The following ZNF516 variants were observed in gnomAD, a reference collection of about 807,000 sequenced individuals.
The protein encoded by ZNF516 is zinc finger protein 516.
In ZNF516, 19 loss-of-function variants were observed where a neutral mutation model predicts 79.7. That is an observed-to-expected ratio of 0.24 (90% CI 0.17 to 0.35). The LOEUF is 0.35. Among genes scored for constraint, ZNF516 ranks in the 10% least tolerant of loss-of-function variants. ZNF516 has a pLI of 1.00. For missense variants in ZNF516, 1,678 were observed against 1,679.5 expected (o/e 1.00, Z 0.02); for synonymous variants, 877 against 739.5 (o/e 1.19, Z -3.02).
chr18:76,452,946 G>T (rs1273964845), intron 2 of ZNF516, among the ~76,000 whole-genome samples: 2 of 152,212 alleles, frequency 1.3e-5, no homozygotes, highest in East Asian at 3.8e-4. Context: ...GTGTCCGTGT[G>T]AAAATGAAGA....
At chr18:76,491,460 A>T (rs1245902484) in intron 1 of ZNF516, among the ~76,000 whole-genome samples, 3 of 132,254 alleles carry the variant, frequency 2.3e-5, no homozygotes, top group African/African-American at 8.5e-5. Context: ...CGCCTTTGTT[A>T]TGGTGCGAAG....
chr18:76,463,862 C>T (rs982681339), intron 1 of ZNF516, among the ~76,000 whole-genome samples: 2 of 152,204 alleles, frequency 1.3e-5, no homozygotes, highest in Non-Finnish European at 2.9e-5. Flanking sequence ...TAAACTATTC[C>T]CACTGCCTGA....
intron 1 of ZNF516, among the ~76,000 whole-genome samples, chr18:76,470,241 T>C (rs1005847379): frequency 6.6e-6 from 1 of 152,212 alleles, no homozygotes; most frequent in Non-Finnish European, 1.5e-5. Context: ...AATGTGCAGT[T>C]TCCCTTTGCT....
intron 1 of ZNF516, among the ~76,000 whole-genome samples, chr18:76,477,435 G>A (rs1313740122): frequency 2.0e-5 from 3 of 152,164 alleles, no homozygotes; most frequent in Non-Finnish European, 4.4e-5. Context: ...GCCCCACAAT[G>A]AGGAAGCAAT....
chr18:76,408,503 A>G (rs1416093131), intron 3 of ZNF516, among the ~76,000 whole-genome samples: 1 of 152,210 alleles, frequency 6.6e-6, no homozygotes, highest in Non-Finnish European at 1.5e-5. Flanking sequence ...TGTGAGGTTT[A>G]AGGGATGGTT....
At chr18:76,392,318 C>A (rs891242418) in intron 3 of ZNF516, among the ~76,000 whole-genome samples, 2 of 152,236 alleles carry the variant, frequency 1.3e-5, no homozygotes, top group Non-Finnish European at 2.9e-5. Flanking sequence ...TATAGTTTTA[C>A]AATCTTCTGG....
chr18:76,433,989 G>A (rs1199210069), intron 3 of ZNF516, among the ~76,000 whole-genome samples: 2 of 152,096 alleles, frequency 1.3e-5, no homozygotes, highest in Non-Finnish European at 1.5e-5. Context: ...TTTCTCACAG[G>A]TGCACCAAGC....
rs189185860 is a variant in ZNF516 at position 76,370,376 on chromosome 18, A to G, written c.3432+152T>C. Among the ~76,000 whole-genome samples, 41 of 152,278 alleles carry G rather than the reference A, an allele frequency of 2.7e-4. 1 individual carries two copies. Among genetic ancestry groups the G allele is most frequent in the Non-Finnish European group, 5.6e-4 (38 of 68,028 alleles). On this transcript the variant is annotated intron_variant, in intron 6 of 6. Transcript: ENST00000443185. ...CGGGTACTGCCCACAGACGGCCCCG[A>G]AGGGTCAGGTTCCAAGTCAAAGCAT...
chr18:76,418,524 A>G (rs34956524), intron 3 of ZNF516, among the ~76,000 whole-genome samples: 85,331 of 151,720 alleles, frequency 0.56, 24,181 homozygotes, highest in South Asian at 0.68. Context: ...AACACACTAT[A>G]ACACGCACTG....
At chr18:76,370,320 C>T (rs2074681379) in intron 6 of ZNF516, among the ~76,000 whole-genome samples, 1 of 152,212 alleles carries the variant, frequency 6.6e-6, no homozygotes, top group Non-Finnish European at 1.5e-5. Context: ...GCACCTAGAC[C>T]CTGCACCACC....
At position 76,442,209 on chromosome 18, in the gene ZNF516, G is replaced by T; in HGVS notation, c.846C>A (p.Gly282=). The T allele has an allele frequency of 6.2e-7, 1 of 1,613,858 alleles. No homozygotes were observed. Among genetic ancestry groups the T allele is most frequent in the South Asian group, 1.1e-5 (1 of 91,086 alleles). Residue 282 remains glycine (G), a synonymous_variant, in exon 3 of 7, where the codon GGC becomes GGA. Transcript: ENST00000443185. ...GGAACCAGGGCTCCTTGAACCTACG[G>T]CCGCAGATGTGGCAGCCGTGGTCGA... ...GSFDHGCHIC[G]RRFKEPWFLK...
chr18:76,470,320 T>C (rs1026345713), intron 1 of ZNF516, among the ~76,000 whole-genome samples: 1 of 152,156 alleles, frequency 6.6e-6, no homozygotes, highest in Non-Finnish European at 1.5e-5. Context: ...ACAATTCTAA[T>C]TCATATATAT....
At chr18:76,370,620 C>T in intron 5 of ZNF516, 25 bp from the exon 6 acceptor site, 7 of 1,576,828 alleles carry the variant, frequency 4.4e-6, no homozygotes, top group Non-Finnish European at 5.2e-6. Context: ...GGTTTGTTAA[C>T]AGATCAGCGT....
intron 3 of ZNF516, among the ~76,000 whole-genome samples, chr18:76,420,129 T>C (rs1040345240): frequency 3.3e-5 from 5 of 152,260 alleles, no homozygotes; most frequent in African/African-American, 9.6e-5. Context: ...GTTTTCACTG[T>C]TGGTAGTCAA....
chr18:76,383,985 G>A (rs940830713), intron 3 of ZNF516, among the ~76,000 whole-genome samples: 1 of 152,186 alleles, frequency 6.6e-6, no homozygotes, highest in African/African-American at 2.4e-5. Flanking sequence ...TTACTGCCAA[G>A]GTTTCGTTAC....
chr18:76,379,306 G>A lies in ZNF516; in HGVS notation c.2808C>T (p.Ile936=), dbSNP rs781263243. The change falls in exon 4 of 7, where the codon ATC becomes ATT. Residue 936 remains isoleucine (I), a synonymous_variant. Transcript: ENST00000443185. The part of the protein sequence containing the change: ...SRSATPTPTV[I]ARAGAQPSAN... ...CCGAGGGCTGCGCGCCAGCCCGGGC[G>A]ATGACGGTGGGCGTAGGGGTGGCGC... 2.6e-5 allele frequency: 42 copies of A among 1,606,858 alleles called. No individual in the cohort carries two copies. The highest frequency in any genetic ancestry group is 3.3e-4 in the Middle Eastern group (2 of 6,048).
At position 76,380,280 on chromosome 18, in the gene ZNF516, A is replaced by G; in HGVS notation, c.1834T>C (p.Phe612Leu). 1 of 1,612,390 alleles carries G rather than the reference A, an allele frequency of 6.2e-7. No homozygotes were observed. Among genetic ancestry groups the G allele is most frequent in the Non-Finnish European group, 8.5e-7 (1 of 1,178,954 alleles). Residue 612 changes from phenylalanine to leucine, a missense_variant, in exon 4 of 7, where the codon TTT (phenylalanine) becomes CTT (leucine). Phe to Leu is a conservative substitution (Grantham distance 22). This residue lies in a region of ZNF516 where 1,294 missense variants were observed against 1,248.3 expected (regional missense o/e 1.04). Coordinates refer to ENST00000443185, the MANE Select transcript of ZNF516 (RefSeq NM_014643.4). ...TCGGTCGAAGTCACCTCTTCGGAAA[A>G]GCAGCAGCGGCGCGGCTGTCCCCCT... The part of the protein sequence containing the change: ...APGGQPRRCC[F>L]SEEVTSTELS...
chr18:76,441,959 G>A lies in ZNF516; in HGVS notation c.1096C>T (p.Arg366Cys), dbSNP rs745591863. 1.3e-5 allele frequency: 21 copies of A among 1,612,270 alleles called. No homozygotes were observed. The highest frequency in any genetic ancestry group is 1.1e-4 in the South Asian group (10 of 91,020). The part of the protein sequence containing the change: ...IHRRVEASRT[R>C]APAEEGAEGP... ...TCCGCCCCCTCCTCGGCCGGGGCGC[G>A]CGTGCGGCTGGCCTCGACTCTGCGG... Residue 366 changes from arginine (R) to cysteine (C), a missense_variant, in exon 3 of 7, where the codon CGC becomes TGC. Physicochemically the swap from Arg to Cys is radical, Grantham distance 180 (BLOSUM62 -3). Transcript: ENST00000443185.
rs372104616 is a variant in ZNF516, at chr18:76,451,276, C to A, written c.-157-8065G>T. Among the ~76,000 whole-genome samples the A allele has an allele frequency of 1.3e-5, 2 of 152,194 alleles. No individual in the cohort carries two copies. The highest frequency in any genetic ancestry group is 2.9e-5 in the Non-Finnish European group (2 of 68,036). The stretch of plus-strand genomic sequence containing the variant: ...CCCGACGCCATGTGGCTTTACTTAT[C>A]CCCGTCTGCGTCCTCTCTGACCACC... On this transcript the variant is annotated intron_variant, in intron 2 of 6. Coordinates refer to ENST00000443185, the MANE Select transcript of ZNF516 (RefSeq NM_014643.4). This position sits in a 1 kb window ranked among gnomAD's most constrained non-coding sequence, Gnocchi z 6.0.
Sources: gnomAD v4.1 joint callset for allele counts (sites outside exome capture counted in the v4.1 genomes callset) on GRCh38, gnomAD v4.1.1 for gene constraint, gnomAD v4.1.1 regional missense constraint, Gnocchi (gnomAD v3.1) non-coding constraint, MANE v1.5 for transcripts, NCBI Gene and HGNC (gene_info 2026-07-23, HGNC 2026-07-21) for gene names.